The following RUNX1T1 variants were observed in gnomAD, a reference collection of about 807,000 sequenced individuals.
RUNX1T1 encodes the protein protein CBFA2T1.
Under a neutral mutation model 62.8 loss-of-function variants are expected in RUNX1T1, and 4 were observed. The observed-to-expected ratio is 0.06, with a 90% CI of 0.03 to 0.15. The LOEUF (loss-of-function observed/expected upper bound fraction) is 0.15, where lower values mean the gene tolerates loss of function less well. RUNX1T1 is among the 10% of genes least tolerant of loss of function. RUNX1T1 has a pLI of 1.00. For synonymous variants in RUNX1T1, 291 were observed against 286.0 expected (o/e 1.02, Z -0.18); for missense variants, 508 against 754.3 (o/e 0.67, Z 3.82).
chr8:92,065,492 G>A (rs1354391957), upstream of RUNX1T1, among the ~76,000 whole-genome samples: 2 of 152,190 alleles, frequency 1.3e-5, no homozygotes, highest in African/African-American at 4.8e-5. Context: ...TTTTTAGAGA[G>A]AGTCATCTAA....
At chr8:92,092,370 C>T (rs943762000) in intron 1 of RUNX1T1, among the ~76,000 whole-genome samples, 3 of 152,264 alleles carry the variant, frequency 2.0e-5, no homozygotes, top group Admixed American at 1.3e-4. Flanking sequence ...GTCCATAAAA[C>T]TTATTTGATT....
intron 1 of RUNX1T1, among the ~76,000 whole-genome samples, chr8:92,079,720 C>T (rs187873058): frequency 6.6e-6 from 1 of 152,232 alleles, no homozygotes; most frequent in East Asian, 1.9e-4. Context: ...CATACAAGAC[C>T]CTCCATCACT....
At chr8:91,955,707 G>C (rs933206744), downstream of RUNX1T1, 3 of 224,376 alleles carry the variant, frequency 1.3e-5, no homozygotes, top group African/African-American at 6.7e-5. Flanking sequence ...TTGATTTTTT[G>C]CAACGATTAT....
chr8:92,054,224 T>C (rs1475230156), intron 1 of RUNX1T1, among the ~76,000 whole-genome samples: 1 of 152,082 alleles, frequency 6.6e-6, no homozygotes. Flanking sequence ...TTTCCACATT[T>C]GCAAATAACT....
chr8:92,064,791 A>G (rs1281826144), upstream of RUNX1T1, among the ~76,000 whole-genome samples: 5 of 152,326 alleles, frequency 3.3e-5, no homozygotes, highest in East Asian at 9.6e-4. Flanking sequence ...TGGGGTCTTA[A>G]TATCGGTACA....
chr8:92,026,874 T>C (rs1215179492), intron 1 of RUNX1T1, among the ~76,000 whole-genome samples: 2 of 148,468 alleles, frequency 1.3e-5, no homozygotes, highest in East Asian at 4.0e-4. Context: ...TCCCAGCACT[T>C]TGGGAGGCCG....
intron 2 of RUNX1T1, among the ~76,000 whole-genome samples, chr8:92,015,137 G>A (rs1822743725): frequency 6.6e-6 from 1 of 152,180 alleles, no homozygotes. Context: ...AAATAGAACA[G>A]ACAGCTTCGG....
intron 10 of RUNX1T1, among the ~76,000 whole-genome samples, chr8:91,961,181 GT>G (rs1191825947): frequency 1.3e-5 from 2 of 152,206 alleles, no homozygotes; most frequent in South Asian, 4.1e-4. Context: ...TCCTCAGTTT[GT>G]TTTTTCTCCC....
At chr8:92,013,682 T>C (rs1426715738) in intron 3 of RUNX1T1, among the ~76,000 whole-genome samples, 1 of 152,134 alleles carries the variant, frequency 6.6e-6, no homozygotes, top group Non-Finnish European at 1.5e-5. Flanking sequence ...TCACAACACA[T>C]GGAAAAGTGA....
intron 1 of RUNX1T1, among the ~76,000 whole-genome samples, chr8:92,082,518 C>G (rs1394698226): frequency 6.6e-6 from 1 of 152,178 alleles, no homozygotes; most frequent in Non-Finnish European, 1.5e-5. Flanking sequence ...ATCATTCCAT[C>G]AAGTCCTCCC....
chr8:92,060,522 AATATATATATAT>A lies in RUNX1T1; in HGVS notation c.7+2012_7+2023del, dbSNP rs61066655. 5.0e-4 allele frequency among the ~76,000 whole-genome samples: 38 copies of A among 76,312 alleles called. 1 individual carries two copies. The East Asian group carries it at 8.0e-3, about 16-fold the overall frequency. 50.1% of individuals were successfully genotyped at this position (76,312 alleles called of 152,430 possible). A position where few individuals can be genotyped will look rare whatever the true frequency, so the allele number is the denominator to read the frequency against. ...ATTAGTTCTGATACTTCAACTACCA[AATATATATATAT>A]ATATATATATATATATATATGTGTG... is the stretch of plus-strand genomic sequence containing the variant. On this transcript the variant is annotated intron_variant, in intron 1 of 10. Transcript: ENST00000396218.
At chr8:92,006,840 C>G (rs566869735) in intron 4 of RUNX1T1, 9 of 152,112 alleles carry the variant, frequency 5.9e-5, no homozygotes, top group Non-Finnish European at 1.2e-4. Context: ...ACCCACCAAC[C>G]GCCCTCAAGT....
chr8:92,007,806 C>CA (rs1270345592), intron 4 of RUNX1T1, among the ~76,000 whole-genome samples: 1 of 151,838 alleles, frequency 6.6e-6, no homozygotes, highest in Non-Finnish European at 1.5e-5. Context: ...CTCATCTCTA[C>CA]AAAAAATACA....
At chr8:92,015,226 C>T (rs1290411830) in intron 2 of RUNX1T1, among the ~76,000 whole-genome samples, 1 of 152,170 alleles carries the variant, frequency 6.6e-6, no homozygotes, top group Non-Finnish European at 1.5e-5. Context: ...AGAAAGTGTA[C>T]ATTTGGTGGA....
chr8:92,094,566 C>T (rs2130928527), intron 1 of RUNX1T1, among the ~76,000 whole-genome samples: 1 of 152,144 alleles, frequency 6.6e-6, no homozygotes, highest in Non-Finnish European at 1.5e-5. Context: ...GCTTCATTTG[C>T]TTTTCTTACT....
intron 1 of RUNX1T1, among the ~76,000 whole-genome samples, chr8:92,021,078 A>G (rs1212330736): frequency 6.6e-6 from 1 of 152,142 alleles, no homozygotes; most frequent in African/African-American, 2.4e-5. Flanking sequence ...CAATTATCGA[A>G]GTCTCAGAGA....
chr8:92,014,387 A>C (rs961563447), intron 3 of RUNX1T1, among the ~76,000 whole-genome samples, 192 bp downstream of exon 4: 8 of 152,084 alleles, frequency 5.3e-5, no homozygotes, highest in Non-Finnish European at 1.2e-4. Flanking sequence ...GAGAAAAAAA[A>C]CTCTGGTGGG....
chr8:91,974,707 C>T (rs193075547), intron 9 of RUNX1T1, among the ~76,000 whole-genome samples: 10 of 152,218 alleles, frequency 6.6e-5, no homozygotes, highest in African/African-American at 2.2e-4. Context: ...CACAGTTCAG[C>T]AACATATGTA....
chr8:92,024,425 T>C (rs4735028), intron 1 of RUNX1T1, among the ~76,000 whole-genome samples: 149,920 of 149,920 alleles, frequency 1, 74,960 homozygotes, highest in Non-Finnish European at 1. Context: ...AGGAAAATTT[T>C]TTGAGCCTGG....
Sources: allele counts gnomAD v4.1 joint callset (sites outside exome capture counted in the v4.1 genomes callset), GRCh38; gene constraint gnomAD v4.1.1; transcripts MANE v1.5; gene names NCBI Gene and HGNC (gene_info 2026-07-23, HGNC 2026-07-21).